Variants in RBFOX1 observed in about 807,000 individuals in gnomAD.
RBFOX1 encodes the protein RNA binding fox-1 homolog 1, also known as RNA binding protein fox-1 homolog 1.
In RBFOX1, 8 loss-of-function variants were observed where a neutral mutation model predicts 57.7. The observed-to-expected ratio is 0.14, with a 90% CI of 0.08 to 0.25. The LOEUF (loss-of-function observed/expected upper bound fraction) is 0.25. RBFOX1 is among the 10% of genes least tolerant of loss of function. The pLI, the probability that RBFOX1 is intolerant of heterozygous loss-of-function variation, is 1.00. For missense variants in RBFOX1, 611 were observed against 548.5 expected (o/e 1.11, Z -1.14); for synonymous variants, 326 against 222.4 (o/e 1.47, Z -4.15).
intron 3 of RBFOX1, among the ~76,000 whole-genome samples, chr16:6,994,418 C>A (rs1343726467): frequency 6.6e-6 from 1 of 152,154 alleles, no homozygotes; most frequent in African/African-American, 2.4e-5. Context: ...ATGCTTCAGG[C>A]ACCCAATTGT....
chr16:5,335,816 A>G (rs570526823), intron 1 of RBFOX1, among the ~76,000 whole-genome samples: 8 of 152,276 alleles, frequency 5.3e-5, no homozygotes, highest in Admixed American at 3.3e-4. Context: ...CCTTGTGTGC[A>G]TAAGTGAATG....
At chr16:6,615,896 C>T (rs897529561) in intron 2 of RBFOX1, among the ~76,000 whole-genome samples, 1 of 152,204 alleles carries the variant, frequency 6.6e-6, no homozygotes, top group East Asian at 1.9e-4. Flanking sequence ...ATGTGATACG[C>T]ATCTCCCCAT....
intron 2 of RBFOX1, among the ~76,000 whole-genome samples, chr16:6,521,445 C>A (rs897801104): frequency 6.9e-5 from 10 of 145,284 alleles, no homozygotes; most frequent in African/African-American, 2.0e-4. Flanking sequence ...CCTCCCCTCC[C>A]CTCCCGTCCC....
chr16:6,921,253 T>C (rs1212891228), intron 3 of RBFOX1, among the ~76,000 whole-genome samples: 1 of 152,212 alleles, frequency 6.6e-6, no homozygotes, highest in African/African-American at 2.4e-5. Flanking sequence ...ACATTTGTTT[T>C]CTCACAATGT....
chr16:7,181,793 T>A (rs1254760831), intron 4 of RBFOX1, among the ~76,000 whole-genome samples: 2 of 152,006 alleles, frequency 1.3e-5, no homozygotes, highest in East Asian at 3.9e-4. Flanking sequence ...ACTCCTGAGC[T>A]CAAGCGATCT....
At chr16:6,585,930 T>C (rs1404550368) in intron 2 of RBFOX1, among the ~76,000 whole-genome samples, 1 of 152,230 alleles carries the variant, frequency 6.6e-6, no homozygotes, top group Non-Finnish European at 1.5e-5. Flanking sequence ...ATTTCTGTAT[T>C]AATTAAAGTG....
chr16:5,768,205 G>C (rs1468009959), intron 3 of RBFOX1, among the ~76,000 whole-genome samples: 2 of 152,152 alleles, frequency 1.3e-5, no homozygotes, highest in East Asian at 3.9e-4. Context: ...CTAGTTTTTG[G>C]AGCATGAGAG....
intron 2 of RBFOX1, among the ~76,000 whole-genome samples, chr16:6,606,934 C>T (rs1254083158): frequency 6.6e-6 from 1 of 152,230 alleles, no homozygotes; most frequent in Non-Finnish European, 1.5e-5. Flanking sequence ...AATCACCACA[C>T]TGTCTTTCAC....
Position 5,249,980 on chromosome 16 carries a change from A to ATTGCAGTGAGGAGGAGG in RBFOX1, c.219+9900_219+9916dup, listed in dbSNP as rs1489606935. Among the ~76,000 whole-genome samples, 20 of 141,766 alleles carry ATTGCAGTGAGGAGGAGG rather than the reference A, an allele frequency of 1.4e-4. No homozygotes were observed. In the South Asian group the frequency reaches 1.4e-3, roughly 10 times the overall value. The allele number at this position is 141,766 out of a possible 152,430, so 93.0% of individuals were successfully genotyped here. ...AGGAGCAGGTTGCAGTGAGGAGCAG[A>ATTGCAGTGAGGAGGAGG]TTGCAGTGAGGAGGAGGTTGCAGTG... On this transcript the variant is annotated intron_variant, in intron 1 of 2. Transcript: ENST00000585867.
At chr16:6,920,223 T>G (rs1597248656) in intron 3 of RBFOX1, among the ~76,000 whole-genome samples, 2 of 150,290 alleles carry the variant, frequency 1.3e-5, no homozygotes, top group African/African-American at 2.5e-5. Flanking sequence ...AATTGCAAAT[T>G]GTGCTGCTAT....
At chr16:7,121,082 C>G (rs1250818344) in intron 4 of RBFOX1, among the ~76,000 whole-genome samples, 2 of 151,866 alleles carry the variant, frequency 1.3e-5, no homozygotes, top group South Asian at 2.1e-4. Flanking sequence ...GATAAAAACT[C>G]TCAACTAACT....
chr16:6,473,901 C>A (rs755068475), intron 2 of RBFOX1, among the ~76,000 whole-genome samples: 23 of 152,246 alleles, frequency 1.5e-4, no homozygotes, highest in Non-Finnish European at 5.9e-5. Flanking sequence ...ATTAGGAAAG[C>A]TGTCAGTTAC....
chr16:7,212,505 G>A (rs565981952), intron 4 of RBFOX1, among the ~76,000 whole-genome samples: 1 of 152,172 alleles, frequency 6.6e-6, no homozygotes, highest in South Asian at 2.1e-4. Context: ...ACACCCTAGA[G>A]TGGGGTTTCT....
intron 1 of RBFOX1, among the ~76,000 whole-genome samples, chr16:5,306,508 C>T (rs763818609): frequency 2.6e-5 from 4 of 151,960 alleles, no homozygotes; most frequent in East Asian, 1.9e-4. Context: ...TTAGTAGAGA[C>T]GGGGTTTTAC....
intron 3 of RBFOX1, among the ~76,000 whole-genome samples, chr16:6,877,589 A>G (rs2062082693): frequency 6.6e-6 from 1 of 152,172 alleles, no homozygotes; most frequent in South Asian, 2.1e-4. Flanking sequence ...TGTGTGTGCA[A>G]CAATAACCGT....
intron 3 of RBFOX1, among the ~76,000 whole-genome samples, chr16:6,700,194 A>C (rs936729317): frequency 2.0e-5 from 3 of 152,024 alleles, no homozygotes; most frequent in Non-Finnish European, 4.4e-5. Flanking sequence ...TCAATTTTTC[A>C]CCCAGAGAGG....
intron 1 of RBFOX1, among the ~76,000 whole-genome samples, chr16:5,393,432 G>C (rs569582989): frequency 6.6e-6 from 1 of 152,194 alleles, no homozygotes; most frequent in East Asian, 1.9e-4. Flanking sequence ...CCCTTCAGTG[G>C]TTAAGCAAAT....
intron 3 of RBFOX1, among the ~76,000 whole-genome samples, chr16:6,713,079 C>G (rs745567861): frequency 3.3e-5 from 5 of 151,916 alleles, no homozygotes; most frequent in Non-Finnish European, 7.4e-5. Context: ...AACCATGAGT[C>G]TATTAAACCT....
At chr16:7,241,695 C>G (rs1026982002) in intron 4 of RBFOX1, among the ~76,000 whole-genome samples, 1 of 151,994 alleles carries the variant, frequency 6.6e-6, no homozygotes, top group Non-Finnish European at 1.5e-5. Context: ...ATCTGGATGA[C>G]AAATGTGATA....
Sources: allele counts gnomAD v4.1 joint callset (sites outside exome capture counted in the v4.1 genomes callset), GRCh38; gene constraint gnomAD v4.1.1; transcripts MANE v1.5; gene names NCBI Gene and HGNC (gene_info 2026-07-23, HGNC 2026-07-21).